MAP2K4: variants seen among roughly 807,000 people sequenced by gnomAD.
MAP2K4 encodes mitogen-activated protein kinase kinase 4.
MAP2K4 carries 4 observed loss-of-function variants against 48.5 expected under a neutral mutation model. The observed-to-expected ratio is 0.08, with a 90% CI of 0.04 to 0.19. MAP2K4 has a LOEUF of 0.19. Among genes scored for constraint, MAP2K4 ranks in the 10% least tolerant of loss-of-function variants. The probability of loss-of-function intolerance (pLI) is 1.00; values close to 1 mark genes in which losing one functional copy is unlikely to be tolerated. For missense variants in MAP2K4, 258 were observed against 493.3 expected, an observed-to-expected ratio of 0.52 and a Z score of 4.52; for synonymous variants, 166 against 173.1, an observed-to-expected ratio of 0.96 and a Z score of 0.32.
At chr17:12,139,491 T>A (rs998448083) in intron 9 of MAP2K4, among the ~76,000 whole-genome samples, 17 of 152,210 alleles carry the variant, frequency 1.1e-4, no homozygotes, top group Admixed American at 3.3e-4. Context: ...TATTTACATT[T>A]AGAAAAGCAT....
chr17:12,031,333 ACTAT>A (rs1292565821), intron 1 of MAP2K4, among the ~76,000 whole-genome samples: 1 of 152,220 alleles, frequency 6.6e-6, no homozygotes, highest in Non-Finnish European at 1.5e-5. Flanking sequence ...AGACTACTTA[ACTAT>A]CCTTTCTTCA....
chr17:12,128,936 G>A (rs552351015), intron 8 of MAP2K4, among the ~76,000 whole-genome samples: 1 of 152,302 alleles, frequency 6.6e-6, no homozygotes, highest in African/African-American at 2.4e-5. Context: ...GGTTGATTCA[G>A]AATTCTCTAT....
chr17:12,122,679 A>G (rs539934397), intron 7 of MAP2K4, among the ~76,000 whole-genome samples: 1 of 152,300 alleles, frequency 6.6e-6, no homozygotes, highest in East Asian at 1.9e-4. Context: ...CCTGAATAGT[A>G]ATAATAATAG....
intron 5 of MAP2K4, among the ~76,000 whole-genome samples, chr17:12,108,182 A>AT (rs1256803974): frequency 2.6e-5 from 4 of 152,004 alleles, no homozygotes; most frequent in African/African-American, 9.7e-5. Context: ...TTTTCTGTTC[A>AT]TTTTTTCCTG....
At chr17:12,080,348 C>T (rs1328652545) in intron 2 of MAP2K4, among the ~76,000 whole-genome samples, 1 of 152,086 alleles carries the variant, frequency 6.6e-6, no homozygotes, top group Non-Finnish European at 1.5e-5. Flanking sequence ...TTAATGAATT[C>T]TTTCATTGTG....
chr17:12,043,152 T>C (rs909726445), intron 1 of MAP2K4, among the ~76,000 whole-genome samples: 5 of 152,218 alleles, frequency 3.3e-5, no homozygotes, highest in Admixed American at 1.3e-4. Context: ...GTAAATCAAC[T>C]ATTGATATAT....
intron 8 of MAP2K4, among the ~76,000 whole-genome samples, chr17:12,126,214 G>C (rs1972846695): frequency 2.0e-5 from 3 of 152,050 alleles, no homozygotes; most frequent in African/African-American, 7.2e-5. Context: ...AACTACCTAG[G>C]TGATAATTCT....
chr17:12,128,676 G>A (rs1449949814), intron 8 of MAP2K4, among the ~76,000 whole-genome samples: 1 of 152,168 alleles, frequency 6.6e-6, no homozygotes, highest in Non-Finnish European at 1.5e-5. Context: ...TTTCCTCCAA[G>A]CTCAGATTAG....
chr17:12,052,625 T>C (rs1055674705), intron 1 of MAP2K4, among the ~76,000 whole-genome samples: 8 of 152,220 alleles, frequency 5.3e-5, no homozygotes, highest in African/African-American at 1.9e-4. Context: ...GCATTTTATC[T>C]TAGTCTTATA....
At position 12,143,286 on chromosome 17, in the gene MAP2K4, G is replaced by A. The variant is rs1973433438; in HGVS notation, c.*2026G>A. The A allele has an allele frequency of 4.3e-6, 1 of 232,834 alleles. No individual in the cohort carries two copies. Among genetic ancestry groups the A allele is most frequent in the Admixed American group, 5.6e-5 (1 of 17,766 alleles). The allele number at this position is 232,834 out of a possible 1,614,324, so 14.4% of individuals were successfully genotyped here. A position where few individuals can be genotyped will look rare whatever the true frequency, so the allele number is the denominator to read the frequency against. ...AGATAAAAGCAATTCTGACTGTCCA[G>A]GAGCTAATCTGACCGTTCTATTGTG... On this transcript the variant is annotated 3_prime_UTR_variant, in exon 11 of 11. Coordinates refer to ENST00000353533, the MANE Select transcript of MAP2K4 (RefSeq NM_003010.4).
At chr17:12,041,482 C>T (rs552791644) in intron 1 of MAP2K4, among the ~76,000 whole-genome samples, 17 of 152,138 alleles carry the variant, frequency 1.1e-4, no homozygotes, top group Non-Finnish European at 2.1e-4. Flanking sequence ...AAGATCGCCA[C>T]GTCTTATGAC....
At chr17:12,029,971 A>G (rs1055879757) in intron 1 of MAP2K4, among the ~76,000 whole-genome samples, 2 of 152,168 alleles carry the variant, frequency 1.3e-5, no homozygotes, top group East Asian at 1.9e-4. Flanking sequence ...ATACTAGTGA[A>G]TATTATATCA....
intron 5 of MAP2K4, among the ~76,000 whole-genome samples, chr17:12,109,823 T>C (rs1972245452): frequency 6.6e-6 from 1 of 152,138 alleles, no homozygotes; most frequent in Non-Finnish European, 1.5e-5. Context: ...TGTTGTCCTG[T>C]TTTTATTTTT....
At chr17:12,088,397 CTG>C (rs1424758515) in intron 3 of MAP2K4, among the ~76,000 whole-genome samples, 2 of 141,900 alleles carry the variant, frequency 1.4e-5, no homozygotes, top group East Asian at 2.0e-4. Flanking sequence ...AATATTACAA[CTG>C]TGTTGTAATA....
At chr17:12,035,975 GAT>G (rs1491506340) in intron 1 of MAP2K4, among the ~76,000 whole-genome samples, 11 of 152,152 alleles carry the variant, frequency 7.2e-5, no homozygotes, top group African/African-American at 1.2e-4. Flanking sequence ...TTTTATTGGA[GAT>G]GTGTGTGTGT....
At chr17:12,078,385 A>AT (rs1234423034) in intron 2 of MAP2K4, among the ~76,000 whole-genome samples, 1 of 152,088 alleles carries the variant, frequency 6.6e-6, no homozygotes, top group Non-Finnish European at 1.5e-5. Flanking sequence ...AATTATTTTT[A>AT]TTTTGGGGGG....
chr17:12,033,245 A>T (rs1275228441), intron 1 of MAP2K4, among the ~76,000 whole-genome samples: 1 of 152,188 alleles, frequency 6.6e-6, no homozygotes, highest in African/African-American at 2.4e-5. Context: ...CCAAAATATG[A>T]TATAAGTCGT....
At chr17:12,079,164 G>A (rs1208225387) in intron 2 of MAP2K4, among the ~76,000 whole-genome samples, 2 of 152,062 alleles carry the variant, frequency 1.3e-5, no homozygotes, top group African/African-American at 4.8e-5. Flanking sequence ...TTACAGAATT[G>A]TGCATCTGAC....
chr17:12,106,020 T>C (rs1972098058), intron 4 of MAP2K4, among the ~76,000 whole-genome samples: 1 of 152,162 alleles, frequency 6.6e-6, no homozygotes, highest in South Asian at 2.1e-4. Flanking sequence ...TGGGGCAGTC[T>C]CATTTCATAG....
Sources: gnomAD v4.1 joint callset for allele counts (sites outside exome capture counted in the v4.1 genomes callset) on GRCh38, gnomAD v4.1.1 for gene constraint, MANE v1.5 for transcripts, NCBI Gene and HGNC (gene_info 2026-07-23, HGNC 2026-07-21) for gene names.